METTL16: variants seen among roughly 807,000 people sequenced by gnomAD.
METTL16 encodes the protein RNA N(6)-adenosine-methyltransferase METTL16.
In METTL16, 19 loss-of-function variants were observed where a neutral mutation model predicts 57.9. The observed-to-expected ratio is 0.33, with a 90% CI of 0.23 to 0.48. The LOEUF is 0.48. Among genes scored for constraint, METTL16 ranks in the 20% least tolerant of loss-of-function variants. The pLI is 0.99. For synonymous variants in METTL16, 246 were observed against 255.6 expected, an observed-to-expected ratio of 0.96 and a Z score of 0.36; for missense variants, 434 against 691.5, an observed-to-expected ratio of 0.63 and a Z score of 4.18.
intron 1 of METTL16, among the ~76,000 whole-genome samples, chr17:2,503,452 A>C (rs944405178): frequency 1.3e-5 from 2 of 151,972 alleles, no homozygotes. Flanking sequence ...AACAAAATAC[A>C]GTATATCCAT....
intron 6 of METTL16, among the ~76,000 whole-genome samples, chr17:2,443,133 C>T (rs984130954): frequency 6.6e-6 from 1 of 151,988 alleles, no homozygotes; most frequent in Admixed American, 6.6e-5. Flanking sequence ...GGATTACAAG[C>T]GTGCGCCACC....
Position 2,419,784 on chromosome 17 carries a change from A to C in METTL16, c.*186T>G. On this transcript the variant is annotated 3_prime_UTR_variant, in exon 10 of 10. Transcript: ENST00000263092. ...CCTCCTTGTAAATGACCACACTACG[A>C]CTCCCTGTAACTCAAAAAGCGGGAA... 1 of 736,364 alleles carries C rather than the reference A, an allele frequency of 1.4e-6. No individual in the cohort carries two copies. The highest frequency in any genetic ancestry group is 2.4e-6 in the Non-Finnish European group (1 of 422,688). The allele number at this position is 736,364 out of a possible 1,614,324, so 45.6% of individuals were successfully genotyped here.
At chr17:2,494,534 T>G (rs924211318) in intron 2 of METTL16, among the ~76,000 whole-genome samples, 1 of 152,184 alleles carries the variant, frequency 6.6e-6, no homozygotes, top group Non-Finnish European at 1.5e-5. Context: ...TGTGGTGATT[T>G]ATGATCAGTG....
intron 6 of METTL16, among the ~76,000 whole-genome samples, chr17:2,447,314 G>A (rs1407336723): frequency 2.0e-4 from 27 of 132,886 alleles, no homozygotes; most frequent in African/African-American, 7.6e-4. Context: ...CGGCCGCCCC[G>A]TCTGAGAAGT....
intron 1 of METTL16, 135 bp from the exon 2 acceptor site, chr17:2,502,466 TCAAGA>T (rs750458249): frequency 1.3e-4 from 94 of 701,348 alleles, no homozygotes; most frequent in Middle Eastern, 4.0e-4. Flanking sequence ...ATTCAGGAGT[TCAAGA>T]CCATCCCATC....
intron 8 of METTL16, among the ~76,000 whole-genome samples, chr17:2,429,986 T>TGG (rs1442502468): frequency 6.7e-6 from 1 of 150,082 alleles, no homozygotes; most frequent in Non-Finnish European, 1.5e-5. Context: ...AATTTTTTTC[T>TGG]ATTTTTAGTG....
intron 4 of METTL16, among the ~76,000 whole-genome samples, chr17:2,472,322 C>T (rs2067240866): frequency 6.6e-6 from 1 of 152,214 alleles, no homozygotes; most frequent in South Asian, 2.1e-4. Flanking sequence ...ATGTGAGCAA[C>T]AGGAACTTTC....
At chr17:2,448,785 A>AT (rs1488677603) in intron 6 of METTL16, among the ~76,000 whole-genome samples, 5 of 102,480 alleles carry the variant, frequency 4.9e-5, no homozygotes, top group African/African-American at 3.0e-4. Context: ...AAAAAATAAA[A>AT]AAATAAAAAT....
intron 7 of METTL16, among the ~76,000 whole-genome samples, chr17:2,440,117 C>T (rs920563326): frequency 1.3e-5 from 2 of 152,122 alleles, no homozygotes; most frequent in African/African-American, 2.4e-5. Context: ...ATTAGCTGGG[C>T]GTGGTGGTGT....
At chr17:2,436,871 CT>C (rs543406197) in intron 8 of METTL16, 349 of 129,718 alleles carry the variant, frequency 2.7e-3, no homozygotes, top group Middle Eastern at 3.9e-3. Context: ...GTGAACAAAC[CT>C]TTTTTTTTTT....
chr17:2,462,202 C>T (rs1174799644), intron 6 of METTL16, among the ~76,000 whole-genome samples: 3 of 152,034 alleles, frequency 2.0e-5, no homozygotes, highest in African/African-American at 7.2e-5. Flanking sequence ...GAAAACATGA[C>T]GAAAAGTGAA....
chr17:2,432,526 G>C (rs1198780709), intron 8 of METTL16, among the ~76,000 whole-genome samples: 1 of 151,880 alleles, frequency 6.6e-6, no homozygotes, highest in Non-Finnish European at 1.5e-5. Context: ...CCGTGAGCGC[G>C]CCAATACATT....
At position 2,452,043 on chromosome 17, in the gene METTL16, G is replaced by T. The variant is rs1435883914; in HGVS notation, c.729-10484C>A. ...TCCCAGCTACTAGGGGGGCTGAGGT[G>T]ATAGGATCGCTTGAGCCTGGGAGGT... On this transcript the variant is annotated intron_variant, in intron 6 of 9. Transcript: ENST00000263092. 2.0e-5 allele frequency among the ~76,000 whole-genome samples: 3 copies of T among 150,082 alleles called. No individual in the cohort carries two copies. In the East Asian group the frequency reaches 6.0e-4, roughly 30 times the overall value.
chr17:2,497,488 C>G (rs113032716), intron 2 of METTL16, among the ~76,000 whole-genome samples: 1 of 150,596 alleles, frequency 6.6e-6, no homozygotes, highest in East Asian at 1.9e-4. Context: ...CATTTTTGTA[C>G]TTTTAGCAGA....
At chr17:2,490,372 G>T (rs2067378422) in intron 2 of METTL16, among the ~76,000 whole-genome samples, 1 of 152,106 alleles carries the variant, frequency 6.6e-6, no homozygotes, top group African/African-American at 2.4e-5. Flanking sequence ...TATGCAAAAT[G>T]CTTACAGTAT....
At chr17:2,489,111 C>CTTTTTTTTTT (rs11404983) in intron 2 of METTL16, among the ~76,000 whole-genome samples, 6 of 146,302 alleles carry the variant, frequency 4.1e-5, no homozygotes, top group African/African-American at 5.1e-5. Flanking sequence ...ACTTTTCATT[C>CTTTTTTTTTT]TTTTTTTTTT....
At chr17:2,510,124 C>T (rs906388922) in intron 1 of METTL16, among the ~76,000 whole-genome samples, 1 of 150,908 alleles carries the variant, frequency 6.6e-6, no homozygotes, top group African/African-American at 2.4e-5. Flanking sequence ...TGGCAAGCAA[C>T]AAAAAAAAGT....
At position 2,445,916 on chromosome 17, in the gene METTL16, G is replaced by A. The variant is rs549913454; in HGVS notation, c.729-4357C>T. 3.9e-5 allele frequency among the ~76,000 whole-genome samples: 6 copies of A among 151,976 alleles called. No individual in the cohort carries two copies. In the South Asian group the frequency reaches 1.2e-3, roughly 32 times the overall value. The stretch of plus-strand genomic sequence containing the variant: ...AAAAAGAATAATACATTATAACCAA[G>A]GGGCATTTACTACAAGAAGGCAAGG... On this transcript the variant is annotated intron_variant, in intron 6 of 9. Coordinates refer to ENST00000263092, the MANE Select transcript of METTL16 (RefSeq NM_024086.4).
chr17:2,461,327 T>C (rs952398375), intron 6 of METTL16, among the ~76,000 whole-genome samples: 1 of 152,128 alleles, frequency 6.6e-6, no homozygotes, highest in African/African-American at 2.4e-5. Flanking sequence ...CCCTAGTGCA[T>C]GCACTCCAGC....
Sources: allele counts gnomAD v4.1 joint callset (sites outside exome capture counted in the v4.1 genomes callset), GRCh38; gene constraint gnomAD v4.1.1; transcripts MANE v1.5; gene names NCBI Gene and HGNC (gene_info 2026-07-23, HGNC 2026-07-21).